The following FAF1 variants were observed in gnomAD, a reference collection of about 807,000 sequenced individuals.
FAF1 encodes FAS-associated factor 1.
Under a neutral mutation model 92.5 loss-of-function variants are expected in FAF1, and 25 were observed. The observed-to-expected ratio is 0.27, with a 90% CI of 0.20 to 0.38. The LOEUF is 0.38. Among genes scored for constraint, FAF1 ranks in the 10% least tolerant of loss-of-function variants. FAF1 has a pLI of 1.00. For missense variants in FAF1, 636 were observed against 793.3 expected (o/e 0.80, Z 2.38); for synonymous variants, 234 against 273.2 (o/e 0.86, Z 1.42).
At chr1:50,628,466 T>G (rs1245282426) in intron 8 of FAF1, among the ~76,000 whole-genome samples, 1 of 152,218 alleles carries the variant, frequency 6.6e-6, no homozygotes, top group Non-Finnish European at 1.5e-5. Context: ...AATTTTAAAG[T>G]ACCTAGCCTT....
intron 6 of FAF1, among the ~76,000 whole-genome samples, chr1:50,711,761 G>T (rs984841925): frequency 6.6e-6 from 1 of 151,946 alleles, no homozygotes; most frequent in African/African-American, 2.4e-5. Flanking sequence ...CACCACACCC[G>T]GCCTGTTCTT....
chr1:50,621,743 C>T (rs530794277), intron 8 of FAF1, among the ~76,000 whole-genome samples: 1 of 152,184 alleles, frequency 6.6e-6, no homozygotes, highest in South Asian at 2.1e-4. Context: ...GGGGCCAGCA[C>T]CTCCTAGAGG....
chr1:50,598,714 T>C (rs1051976194), intron 8 of FAF1, among the ~76,000 whole-genome samples: 1 of 152,174 alleles, frequency 6.6e-6, no homozygotes, highest in African/African-American at 2.4e-5. Flanking sequence ...CTCACGCCTG[T>C]AATCTCAGCA....
chr1:50,602,852 G>T (rs183151838), intron 8 of FAF1, among the ~76,000 whole-genome samples: 1 of 151,980 alleles, frequency 6.6e-6, no homozygotes, highest in Non-Finnish European at 1.5e-5. Context: ...AAACCATTCC[G>T]TATTTTAAAA....
At chr1:50,657,564 A>C (rs1026450615) in intron 7 of FAF1, among the ~76,000 whole-genome samples, 32 of 152,332 alleles carry the variant, frequency 2.1e-4, no homozygotes, top group African/African-American at 7.5e-4. Context: ...CTCAAAAAAC[A>C]AAACAAAACC....
At chr1:50,548,171 T>C (rs557892022) in intron 13 of FAF1, among the ~76,000 whole-genome samples, 1 of 152,186 alleles carries the variant, frequency 6.6e-6, no homozygotes, top group Non-Finnish European at 1.5e-5. Context: ...CCACCAAATA[T>C]ATGACGAGAT....
intron 17 of FAF1, among the ~76,000 whole-genome samples, chr1:50,488,784 C>G (rs562649070): frequency 6.6e-6 from 1 of 152,268 alleles, no homozygotes; most frequent in Admixed American, 6.5e-5. Flanking sequence ...AAATCTCTAA[C>G]CTTGTAGCTT....
At chr1:50,764,826 T>C (rs1434570713) in intron 4 of FAF1, among the ~76,000 whole-genome samples, 3 of 152,240 alleles carry the variant, frequency 2.0e-5, no homozygotes, top group African/African-American at 7.2e-5. Flanking sequence ...ATTTAGAGTT[T>C]CAGATAAACT....
chr1:50,900,094 TC>T (rs1166133605), intron 1 of FAF1, among the ~76,000 whole-genome samples: 2 of 152,188 alleles, frequency 1.3e-5, no homozygotes, highest in African/African-American at 2.4e-5. Context: ...AAAATTTTAA[TC>T]ATCTGAGAAA....
chr1:50,501,660 CAAAAA>C (rs543026675), intron 15 of FAF1, among the ~76,000 whole-genome samples: 1 of 106,244 alleles, frequency 9.4e-6, no homozygotes. Context: ...GACTCCGTCT[CAAAAA>C]AAAAAAAAAA....
At chr1:50,691,134 T>G (rs767473783) in intron 7 of FAF1, among the ~76,000 whole-genome samples, 4 of 152,272 alleles carry the variant, frequency 2.6e-5, no homozygotes, top group South Asian at 4.1e-4. Context: ...GTTTAACATG[T>G]TGAGGAACTA....
At chr1:50,922,968 A>G (rs1258887080) in intron 1 of FAF1, among the ~76,000 whole-genome samples, 1 of 152,160 alleles carries the variant, frequency 6.6e-6, no homozygotes, top group Non-Finnish European at 1.5e-5. Flanking sequence ...AACACAAAAG[A>G]TCATTGCAGG....
At chr1:50,678,006 G>A (rs185671527) in intron 7 of FAF1, among the ~76,000 whole-genome samples, 36 of 152,070 alleles carry the variant, frequency 2.4e-4, no homozygotes, top group African/African-American at 8.0e-4. Context: ...AGATATGTAG[G>A]CTAGAGGCAA....
At chr1:50,949,324 A>G (rs1486140421) in intron 1 of FAF1, among the ~76,000 whole-genome samples, 1 of 152,234 alleles carries the variant, frequency 6.6e-6, no homozygotes, top group Non-Finnish European at 1.5e-5. Context: ...GGATTCTCCA[A>G]TACTGTCAAC....
chr1:50,453,182 T>C (rs930697275), intron 18 of FAF1, among the ~76,000 whole-genome samples: 1 of 152,222 alleles, frequency 6.6e-6, no homozygotes, highest in African/African-American at 2.4e-5. Context: ...AATACCTTAT[T>C]AGGTTATCAT....
intron 2 of FAF1, chr1:50,846,908 A>C (rs776731181): frequency 2.8e-6 from 1 of 350,934 alleles, no homozygotes. Flanking sequence ...GATGAGAAGA[A>C]ATAGTTTACA....
At chr1:50,866,958 C>T (rs1198471252) in intron 1 of FAF1, among the ~76,000 whole-genome samples, 21 of 152,034 alleles carry the variant, frequency 1.4e-4, no homozygotes, top group African/African-American at 5.1e-4. Flanking sequence ...GCTATGGTCA[C>T]CAAAACATCA....
chr1:50,673,250 C>G (rs1655976353), intron 7 of FAF1, among the ~76,000 whole-genome samples: 1 of 150,154 alleles, frequency 6.7e-6, no homozygotes, highest in South Asian at 2.1e-4. Flanking sequence ...GAGCGAGACT[C>G]TGTCTCAAAA....
chr1:50,582,323 T>C (rs1471364293), intron 12 of FAF1: 2 of 307,260 alleles, frequency 6.5e-6, no homozygotes, highest in Non-Finnish European at 1.2e-5. Flanking sequence ...CCTTGTGAAA[T>C]GGGTATCTTG....
Sources: gnomAD v4.1 joint callset for allele counts (sites outside exome capture counted in the v4.1 genomes callset) on GRCh38, gnomAD v4.1.1 for gene constraint, MANE v1.5 for transcripts, NCBI Gene and HGNC (gene_info 2026-07-23, HGNC 2026-07-21) for gene names.